The following EGFLAM variants were observed in gnomAD, a reference collection of about 807,000 sequenced individuals.
EGFLAM encodes EGF like, fibronectin type III and laminin G domains.
Under a neutral mutation model 113.1 loss-of-function variants are expected in EGFLAM, and 79 were observed. The ratio of observed to expected loss-of-function variants is 0.70; its 90% CI spans 0.58 to 0.84. EGFLAM has a LOEUF of 0.84. Among genes scored for constraint, EGFLAM ranks in the 40% least tolerant of loss-of-function variants. The pLI is 0.00. For missense variants in EGFLAM, 1,265 were observed against 1,291.6 expected, an observed-to-expected ratio of 0.98 and a Z score of 0.32; for synonymous variants, 504 against 487.6, an observed-to-expected ratio of 1.03 and a Z score of -0.44.
intron 6 of EGFLAM, among the ~76,000 whole-genome samples, chr5:38,400,693 G>A (rs1319012597): frequency 1.3e-5 from 2 of 152,148 alleles, no homozygotes; most frequent in Non-Finnish European, 2.9e-5. Flanking sequence ...TATTAAAAAT[G>A]GGAAATGACT....
chr5:38,406,906 A>G lies in EGFLAM; in HGVS notation c.907A>G (p.Lys303Glu), dbSNP rs1163504671. Residue 303 changes from lysine (K) to glutamate (E), a missense_variant, in exon 8 of 22, where the codon AAG becomes GAG. Transcript: ENST00000322350. Reference sequence around the variant, plus strand: ...CAAGAAGATGTCTATATCTAACCCAAAGACCATTTCTAGGCTCATCCCCCC... The same window carrying G: ...CAAGAAGATGTCTATATCTAACCCAGAGACCATTTCTAGGCTCATCCCCCC... ...ESKKMSISNP[K>E]TISRLIPPTS... 3 of 1,614,182 alleles carry G rather than the reference A, an allele frequency of 1.9e-6. No individual in the cohort carries two copies. The South Asian group carries it at 3.3e-5, about 18-fold the overall frequency.
chr5:38,462,608 CTCTAG>C (rs1743320192), intron 20 of EGFLAM: 1 of 299,784 alleles, frequency 3.3e-6, no homozygotes, highest in Admixed American at 4.4e-5. Flanking sequence ...ACTGTCCTCT[CTCTAG>C]TCTAAGTTAG....
intron 3 of EGFLAM, among the ~76,000 whole-genome samples, chr5:38,345,075 A>G (rs937768086): frequency 7.2e-5 from 11 of 152,202 alleles, no homozygotes; most frequent in African/African-American, 2.7e-4. Context: ...CCAGGTGCTC[A>G]TTTCAGAACT....
intron 20 of EGFLAM, 120 bp from the exon 21 acceptor site, chr5:38,462,788 T>C (rs1159428182): frequency 8.8e-7 from 1 of 1,133,520 alleles, no homozygotes; most frequent in East Asian, 2.6e-5. Flanking sequence ...GCCCCATCAT[T>C]TAGCACAGTA....
At chr5:38,419,322 C>T (rs73749233) in intron 12 of EGFLAM, among the ~76,000 whole-genome samples, 3,500 of 152,182 alleles carry the variant, frequency 0.023, 141 homozygotes, top group African/African-American at 0.078. Flanking sequence ...GACTCTGGGT[C>T]GATATCCCTA....
intron 5 of EGFLAM, among the ~76,000 whole-genome samples, chr5:38,361,008 C>T (rs564968250): frequency 6.7e-6 from 1 of 149,104 alleles, no homozygotes; most frequent in East Asian, 1.9e-4. Context: ...GCATGTGCCA[C>T]CACGCCCAGC....
At chr5:38,402,978 C>G (rs972749032) in intron 6 of EGFLAM, among the ~76,000 whole-genome samples, 7 of 152,140 alleles carry the variant, frequency 4.6e-5, no homozygotes, top group Admixed American at 6.5e-5. Context: ...GGAAGAACAG[C>G]CTGGAAGGAG....
intron 5 of EGFLAM, among the ~76,000 whole-genome samples, chr5:38,361,708 G>A (rs888070093): frequency 1.3e-5 from 2 of 152,162 alleles, no homozygotes; most frequent in Non-Finnish European, 2.9e-5. Context: ...GCCGCATGTG[G>A]CCCTCAAACA....
At position 38,411,040 on chromosome 5, in the gene EGFLAM, T is replaced by A. The variant is rs556350988; in HGVS notation, c.1350-1464T>A. ...TTTTCTTTTCTTTTTCTCTTTCTTA[T>A]GATTTTTCCTTTACTTTTCTTATGG... On this transcript the variant is annotated intron_variant, in intron 10 of 21. Transcript: ENST00000322350. Among the ~76,000 whole-genome samples the A allele has an allele frequency of 4.3e-4, 65 of 152,348 alleles. 1 individual carries two copies. Among genetic ancestry groups the A allele is most frequent in the African/African-American group, 1.5e-3 (64 of 41,576 alleles).
intron 1 of EGFLAM, among the ~76,000 whole-genome samples, chr5:38,277,289 AT>A (rs1468904015): frequency 6.6e-6 from 1 of 152,246 alleles, no homozygotes; most frequent in Non-Finnish European, 1.5e-5. Context: ...GATACCTCAC[AT>A]TAACAGAATG....
intron 18 of EGFLAM, among the ~76,000 whole-genome samples, chr5:38,448,738 T>A (rs77325676): frequency 8.5e-4 from 129 of 152,300 alleles, no homozygotes; most frequent in African/African-American, 2.9e-3. Context: ...GTGATGACTA[T>A]GATTCTGTGA....
chr5:38,279,131 T>G (rs959096283), intron 1 of EGFLAM, among the ~76,000 whole-genome samples: 4 of 152,140 alleles, frequency 2.6e-5, no homozygotes, highest in Non-Finnish European at 5.9e-5. Context: ...ATAATATCAC[T>G]AATCATCAGA....
intron 3 of EGFLAM, among the ~76,000 whole-genome samples, chr5:38,346,865 G>A (rs1037706536): frequency 6.6e-6 from 1 of 151,998 alleles, no homozygotes; most frequent in African/African-American, 2.4e-5. Flanking sequence ...TGAAGCTCAG[G>A]AGCACAGATG....
chr5:38,278,999 A>T (rs551799120), intron 1 of EGFLAM, among the ~76,000 whole-genome samples: 8 of 152,166 alleles, frequency 5.3e-5, no homozygotes, highest in Non-Finnish European at 8.8e-5. Flanking sequence ...ATATATAAGG[A>T]ACTAAAACAA....
chr5:38,300,659 GC>G (rs2111824755), intron 1 of EGFLAM, among the ~76,000 whole-genome samples: 1 of 152,280 alleles, frequency 6.6e-6, no homozygotes, highest in African/African-American at 2.4e-5. Context: ...ACAGGCATGA[GC>G]CATCGCGCCC....
chr5:38,311,534 T>C (rs72739039), intron 1 of EGFLAM, among the ~76,000 whole-genome samples: 1,537 of 152,348 alleles, frequency 0.01, 11 homozygotes, highest in Non-Finnish European at 0.015. Flanking sequence ...CCTTCTTTTT[T>C]AAAAGGCTAA....
At chr5:38,353,207 T>A (rs540826635) in intron 5 of EGFLAM, among the ~76,000 whole-genome samples, 1 of 152,356 alleles carries the variant, frequency 6.6e-6, no homozygotes, top group Non-Finnish European at 1.5e-5. Context: ...GATTCTCAAT[T>A]GAGTGCTGCT....
chr5:38,340,980 T>C (rs928284984), intron 3 of EGFLAM, among the ~76,000 whole-genome samples: 1 of 152,086 alleles, frequency 6.6e-6, no homozygotes, highest in African/African-American at 2.4e-5. Context: ...GGGTCCTGGA[T>C]TCTGATGACT....
chr5:38,358,725 T>C (rs1020010255), intron 5 of EGFLAM, among the ~76,000 whole-genome samples: 6 of 152,108 alleles, frequency 3.9e-5, no homozygotes, highest in Non-Finnish European at 5.9e-5. Flanking sequence ...TAAAAGCTTT[T>C]AGGTGGCAGG....
Sources: allele counts gnomAD v4.1 joint callset (sites outside exome capture counted in the v4.1 genomes callset), GRCh38; gene constraint gnomAD v4.1.1; transcripts MANE v1.5; gene names NCBI Gene and HGNC (gene_info 2026-07-23, HGNC 2026-07-21).